The following PTPRG variants were observed in gnomAD, a reference collection of about 807,000 sequenced individuals.
The protein encoded by PTPRG is receptor-type tyrosine-protein phosphatase gamma.
PTPRG carries 102 observed loss-of-function variants against 165.3 expected under a neutral mutation model. The ratio of observed to expected loss-of-function variants is 0.62; its 90% CI spans 0.53 to 0.73. The LOEUF (loss-of-function observed/expected upper bound fraction) is 0.73, where lower values mean the gene tolerates loss of function less well. Ranked by LOEUF, PTPRG falls within the 30% of genes least tolerant of loss-of-function variation. PTPRG has a pLI of 0.00. For synonymous variants in PTPRG, 675 were observed against 669.5 expected (o/e 1.01, Z -0.13); for missense variants, 1,866 against 1,861.4 (o/e 1.00, Z -0.05).
In PTPRG at chr3:62,271,127, A is replaced by AC. The variant is rs1026298853; in HGVS notation, c.3010-255dup. On this transcript the variant is annotated intron_variant, in intron 20 of 29. Coordinates refer to ENST00000474889, the MANE Select transcript of PTPRG (RefSeq NM_002841.4). This position sits in a 1 kb window ranked among gnomAD's most constrained non-coding sequence, Gnocchi z 4.1. The stretch of plus-strand genomic sequence containing the variant: ...TTGGATAGTTCCAAATCCAAAAAAA[A>AC]CTGATACTAAATGTTCATTCTTAGT... Among the ~76,000 whole-genome samples the AC allele has an allele frequency of 6.6e-6, 1 of 152,116 alleles. No individual in the cohort carries two copies. The highest frequency in any genetic ancestry group is 1.5e-5 in the Non-Finnish European group (1 of 68,030).
intron 6 of PTPRG, among the ~76,000 whole-genome samples, chr3:62,135,686 G>A (rs888760486): frequency 6.6e-6 from 1 of 152,136 alleles, no homozygotes; most frequent in East Asian, 1.9e-4. Flanking sequence ...AAAGATTTTT[G>A]GCAGGGAGGG....
At chr3:61,623,884 A>G (rs890622914) in intron 1 of PTPRG, among the ~76,000 whole-genome samples, 2 of 152,176 alleles carry the variant, frequency 1.3e-5, no homozygotes, top group Non-Finnish European at 2.9e-5. Flanking sequence ...GCATGAGTCT[A>G]TTTCTAAATT....
At chr3:61,859,794 T>G (rs2037210936) in intron 2 of PTPRG, among the ~76,000 whole-genome samples, 1 of 152,202 alleles carries the variant, frequency 6.6e-6, no homozygotes, top group South Asian at 2.1e-4. Flanking sequence ...AATAAAATAC[T>G]GCTGCCCACA....
chr3:62,268,926 A>C (rs1344830743), intron 19 of PTPRG, 109 bp from the exon 20 acceptor site: 4 of 1,245,562 alleles, frequency 3.2e-6, no homozygotes. Flanking sequence ...TTTTCAGTCA[A>C]CTAAATGGCA....
intron 1 of PTPRG, among the ~76,000 whole-genome samples, chr3:61,564,749 C>T (rs539542589): frequency 1.1e-4 from 16 of 152,324 alleles, no homozygotes; most frequent in African/African-American, 2.9e-4. Context: ...TGGTGGGGCT[C>T]CTGCCACCTC....
intron 1 of PTPRG, among the ~76,000 whole-genome samples, chr3:61,657,882 C>T (rs907453863): frequency 1.9e-4 from 29 of 152,206 alleles, no homozygotes; most frequent in African/African-American, 7.0e-4. Context: ...GGGGAAGATG[C>T]TTTGTACTTT....
rs34616477 is a variant in PTPRG, at chr3:61,587,960, A to ATTT, written c.85+25598_85+25600dup. Among the ~76,000 whole-genome samples, 3 of 149,012 alleles carry ATTT rather than the reference A, an allele frequency of 2.0e-5. 1 individual carries two copies. Among genetic ancestry groups the ATTT allele is most frequent in the South Asian group, 4.2e-4 (2 of 4,714 alleles). On this transcript the variant is annotated intron_variant, in intron 1 of 29. Transcript: ENST00000474889. ...AGGCATGAGCCACTGCAGCTGTCCC[A>ATTT]TTTTTTTTTTTTAAACTTTTTTTCT...
intron 1 of PTPRG, among the ~76,000 whole-genome samples, chr3:61,687,514 A>G (rs867919833): frequency 5.3e-5 from 8 of 152,100 alleles, no homozygotes; most frequent in African/African-American, 1.9e-4. Flanking sequence ...TGGCTTTGGG[A>G]CCCTCTTGAA....
intron 3 of PTPRG, among the ~76,000 whole-genome samples, chr3:61,990,923 C>T (rs968610037): frequency 1.5e-4 from 21 of 144,072 alleles, no homozygotes; most frequent in African/African-American, 4.4e-4. Context: ...TTTTAAATAA[C>T]CTAACTGGCT....
intron 4 of PTPRG, among the ~76,000 whole-genome samples, chr3:62,051,232 C>A (rs978800868): frequency 1.3e-5 from 2 of 152,138 alleles, no homozygotes; most frequent in African/African-American, 4.8e-5. Flanking sequence ...ATAAGAGTCT[C>A]ACTGTCAAAT....
rs1166334140 is a variant in PTPRG at position 62,100,363 on chromosome 3, CAT to C, written c.615+22107_615+22108del. ...AAAACCGACACTTTGGTTATTACAA[CAT>C]AATGCAATTTTAAGTAAATAAGCAG... On this transcript the variant is annotated intron_variant, in intron 5 of 29. Transcript: ENST00000474889. Among the ~76,000 whole-genome samples, 7 of 152,224 alleles carry C rather than the reference CAT, an allele frequency of 4.6e-5. No individual in the cohort carries two copies. In the East Asian group the frequency reaches 1.4e-3, roughly 29 times the overall value.
At chr3:61,622,920 T>G (rs1701504128) in intron 1 of PTPRG, among the ~76,000 whole-genome samples, 2 of 152,362 alleles carry the variant, frequency 1.3e-5, no homozygotes, top group Non-Finnish European at 2.9e-5. Flanking sequence ...GGGACAGTAT[T>G]ATTTTTCTGC....
At chr3:61,743,462 T>A (rs546397705) in intron 1 of PTPRG, among the ~76,000 whole-genome samples, 1 of 152,278 alleles carries the variant, frequency 6.6e-6, no homozygotes, top group South Asian at 2.1e-4. Flanking sequence ...TCAGACTACT[T>A]AAATGTGATA....
chr3:61,896,946 G>T (rs1251465300), intron 2 of PTPRG, among the ~76,000 whole-genome samples: 1 of 147,876 alleles, frequency 6.8e-6, no homozygotes, highest in African/African-American at 2.5e-5. Context: ...ATTTTGAGAG[G>T]TTTTTTTTTT....
intron 2 of PTPRG, among the ~76,000 whole-genome samples, chr3:61,830,448 C>A (rs937241108): frequency 6.6e-6 from 1 of 151,966 alleles, no homozygotes; most frequent in Non-Finnish European, 1.5e-5. Flanking sequence ...AAATAGAAAA[C>A]AAACTTTAGG....
At chr3:61,987,516 C>T (rs577432845) in intron 2 of PTPRG, among the ~76,000 whole-genome samples, 3 of 152,084 alleles carry the variant, frequency 2.0e-5, no homozygotes, top group Non-Finnish European at 4.4e-5. Flanking sequence ...CAAATGATGG[C>T]TTGCATCTAT....
At chr3:61,878,821 C>G (rs1331370373) in intron 2 of PTPRG, among the ~76,000 whole-genome samples, 1 of 152,130 alleles carries the variant, frequency 6.6e-6, no homozygotes, top group Non-Finnish European at 1.5e-5. Flanking sequence ...GTATAAAACA[C>G]AATAGAACCG....
At chr3:61,890,423 G>GTTTTTTTTTTT (rs11328993) in intron 2 of PTPRG, among the ~76,000 whole-genome samples, 9 of 119,230 alleles carry the variant, frequency 7.5e-5, no homozygotes, top group African/African-American at 2.3e-4. Context: ...TTTTTTTTTT[G>GTTTTTTTTTTT]TTTTTTTTTT....
chr3:61,684,464 G>C (rs574499165), intron 1 of PTPRG, among the ~76,000 whole-genome samples: 7 of 152,212 alleles, frequency 4.6e-5, no homozygotes, highest in African/African-American at 1.4e-4. Flanking sequence ...GGTTTTCTCT[G>C]AGCCAGTATT....
Sources: gnomAD v4.1 joint callset for allele counts (sites outside exome capture counted in the v4.1 genomes callset) on GRCh38, gnomAD v4.1.1 for gene constraint, Gnocchi (gnomAD v3.1) non-coding constraint, MANE v1.5 for transcripts, NCBI Gene and HGNC (gene_info 2026-07-23, HGNC 2026-07-21) for gene names.